CREB1: variants seen among roughly 807,000 people sequenced by gnomAD.
The protein encoded by CREB1 is cAMP responsive element binding protein 1.
In CREB1, 2 loss-of-function variants were observed where a neutral mutation model predicts 42.0. The ratio of observed to expected loss-of-function variants is 0.05; its 90% confidence interval spans 0.02 to 0.15. The LOEUF is 0.15. CREB1 is among the 10% of genes least tolerant of loss of function. CREB1 has a pLI of 1.00. For missense variants in CREB1, 199 were observed against 388.9 expected (o/e 0.51, Z 4.11); for synonymous variants, 123 against 139.9 (o/e 0.88, Z 0.85).
At chr2:207,571,828 G>T (rs1574865617) in intron 5 of CREB1, 1 of 415,806 alleles carries the variant, frequency 2.4e-6, no homozygotes, top group South Asian at 1.7e-5. Flanking sequence ...TAGGAAAGAG[G>T]CCTATCAGAA....
intron 5 of CREB1, among the ~76,000 whole-genome samples, chr2:207,574,394 A>G (rs3770704): frequency 0.026 from 4,026 of 152,328 alleles, 273 homozygotes; most frequent in East Asian, 0.23. Flanking sequence ...ATTGCCACCT[A>G]TCTAAAAATG....
chr2:207,537,767 T>C (rs1433158476), intron 1 of CREB1, among the ~76,000 whole-genome samples: 2 of 152,182 alleles, frequency 1.3e-5, no homozygotes, highest in African/African-American at 4.8e-5. Context: ...CTACTGGGTT[T>C]TTTTGTTGTT....
At chr2:207,546,341 A>G (rs182361140) in intron 1 of CREB1, among the ~76,000 whole-genome samples, 27 of 152,292 alleles carry the variant, frequency 1.8e-4, no homozygotes, top group African/African-American at 6.0e-4. Flanking sequence ...AGCAAAACAC[A>G]CTGTATGATA....
chr2:207,567,368 G>A (rs1300751024), intron 3 of CREB1, 95 bp from the exon 4 acceptor site: 3 of 784,138 alleles, frequency 3.8e-6, no homozygotes, highest in Admixed American at 2.5e-5. Flanking sequence ...ACTGAAGCAT[G>A]TATAAAGTTT....
chr2:207,543,969 G>GA (rs1161448002), intron 1 of CREB1, among the ~76,000 whole-genome samples: 2 of 150,648 alleles, frequency 1.3e-5, no homozygotes, highest in Non-Finnish European at 3.0e-5. Flanking sequence ...GTGCAGGCTG[G>GA]AGTGCAGTGG....
chr2:207,555,888 G>A (rs2081700550), intron 2 of CREB1, 139 bp downstream of exon 2: 1 of 565,492 alleles, frequency 1.8e-6, no homozygotes, highest in South Asian at 2.6e-5. Context: ...TATTTACTTA[G>A]TATTAGAGTA....
chr2:207,574,313 G>C (rs2082488516), intron 5 of CREB1, among the ~76,000 whole-genome samples: 1 of 152,114 alleles, frequency 6.6e-6, no homozygotes, highest in Non-Finnish European at 1.5e-5. Context: ...TTTTATATGT[G>C]ATATTGTGAT....
chr2:207,560,177 G>T, intron 2 of CREB1, 49 bp from the exon 3 acceptor site: 1 of 1,485,470 alleles, frequency 6.7e-7, no homozygotes, highest in Non-Finnish European at 9.1e-7. Context: ...CATGAGTACT[G>T]CCAAAGAGTG....
At chr2:207,542,867 C>G (rs2081150839) in intron 1 of CREB1, among the ~76,000 whole-genome samples, 1 of 152,148 alleles carries the variant, frequency 6.6e-6, no homozygotes, top group Non-Finnish European at 1.5e-5. Context: ...CAGGCCTTCC[C>G]TTTATTCTGT....
rs1388816273 is a variant in CREB1 at position 207,605,284 on chromosome 2, G to A, written c.*8226G>A. The stretch of plus-strand genomic sequence containing the variant: ...CTCATGGGTGTGGTCTCTCATTGTG[G>A]TTTTGATTTGCATTTCCCTGATTAC... On this transcript the variant is annotated 3_prime_UTR_variant, in exon 8 of 8. Transcript: ENST00000353267. Among the ~76,000 whole-genome samples the A allele has an allele frequency of 6.6e-6, 1 of 152,092 alleles. No homozygotes were observed. The highest frequency in any genetic ancestry group is 1.5e-5 in the Non-Finnish European group (1 of 68,018).
chr2:207,577,801 CTTTA>C (rs1288742512), intron 7 of CREB1, 146 bp downstream of exon 7: 2 of 927,772 alleles, frequency 2.2e-6, no homozygotes, highest in African/African-American at 3.3e-5. Context: ...GCTAAATTTT[CTTTA>C]TTTAATAAGC....
chr2:207,601,073 A>C lies in CREB1; in HGVS notation c.*4015A>C, dbSNP rs1444229437. ...ATCTTAAAGTTAAGATCTTGAATTA[A>C]AGTGAGTTTTAGAAATAGTGTTACA... is the stretch of plus-strand genomic sequence containing the variant. On this transcript the variant is annotated 3_prime_UTR_variant, in exon 8 of 8. Coordinates refer to ENST00000353267, the MANE Select transcript of CREB1 (RefSeq NM_004379.5). 1.1e-5 allele frequency: 2 copies of C among 187,768 alleles called. No individual in the cohort carries two copies. The highest frequency in any genetic ancestry group is 4.7e-5 in the African/African-American group (2 of 42,800). The allele number at this position is 187,768 out of a possible 1,614,324, so 11.6% of individuals were successfully genotyped here.
At chr2:207,585,372 C>T (rs2083637177) in intron 7 of CREB1, among the ~76,000 whole-genome samples, 1 of 152,130 alleles carries the variant, frequency 6.6e-6, no homozygotes, top group African/African-American at 2.4e-5. Flanking sequence ...CACATCTGAA[C>T]CCACCTAGAA....
chr2:207,551,940 G>A (rs182891538), intron 1 of CREB1, among the ~76,000 whole-genome samples: 1 of 150,140 alleles, frequency 6.7e-6, no homozygotes, highest in East Asian at 2.0e-4. Flanking sequence ...TACTCAGGAG[G>A]CTGAGGCAAG....
At chr2:207,572,083 G>A (rs1033133462) in intron 5 of CREB1, among the ~76,000 whole-genome samples, 6 of 151,934 alleles carry the variant, frequency 3.9e-5, no homozygotes, top group African/African-American at 7.3e-5. Context: ...AAAATTAGCC[G>A]GGCATAGTGG....
In CREB1 at chr2:207,596,847, A is replaced by G. The variant is rs2086273479; in HGVS notation, c.840-67A>G. The G allele has an allele frequency of 3.8e-6, 6 of 1,561,798 alleles. No homozygotes were observed. In the South Asian group the frequency reaches 7.2e-5, roughly 19 times the overall value. On this transcript the variant is annotated intron_variant, in intron 7 of 7. Transcript: ENST00000353267. Reference sequence around the variant, plus strand: ...GCTATTTCTTTAAAAAAGAAAAAAAAAAGGTAATCCAAAATAAATATGTGG... The same window carrying G: ...GCTATTTCTTTAAAAAAGAAAAAAAGAAGGTAATCCAAAATAAATATGTGG...
chr2:207,571,955 G>A (rs780408526), intron 5 of CREB1, among the ~76,000 whole-genome samples: 4 of 152,106 alleles, frequency 2.6e-5, no homozygotes, highest in Non-Finnish European at 5.9e-5. Context: ...TGAGCCAGGC[G>A]CCGTGGCTCT....
chr2:207,537,764 G>GT (rs1229384158), intron 1 of CREB1, among the ~76,000 whole-genome samples: 5 of 152,178 alleles, frequency 3.3e-5, no homozygotes, highest in Middle Eastern at 3.4e-3. Context: ...TATCTACTGG[G>GT]TTTTTTTGTT....
chr2:207,567,427 TTTGA>T lies in CREB1; in HGVS notation c.262-33_262-30del, dbSNP rs765152337. 3.4e-6 allele frequency: 5 copies of T among 1,471,638 alleles called. No individual in the cohort carries two copies. The East Asian group carries it at 1.1e-4, about 34-fold the overall frequency. 91.2% of individuals were successfully genotyped at this position (1,471,638 alleles called of 1,614,324 possible). ...TAATAAAAATTTTACAGGAACTAAA[TTTGA>T]TTATCAATATGAAGTTTTTCTTTAA... On this transcript the variant is annotated intron_variant, in intron 3 of 7. Coordinates refer to ENST00000353267, the MANE Select transcript of CREB1 (RefSeq NM_004379.5).
Sources: allele counts gnomAD v4.1 joint callset (sites outside exome capture counted in the v4.1 genomes callset), GRCh38; gene constraint gnomAD v4.1.1; transcripts MANE v1.5; gene names NCBI Gene and HGNC (gene_info 2026-07-23, HGNC 2026-07-21).